Variants in ZUP1 observed in about 807,000 individuals in gnomAD.
ZUP1 encodes zinc finger-containing ubiquitin peptidase 1.
Under a neutral mutation model 68.1 loss-of-function variants are expected in ZUP1, and 55 were observed. The observed-to-expected ratio is 0.81, with a 90% confidence interval of 0.65 to 1.01. The LOEUF is 1.01. ZUP1 is among the 50% of genes least tolerant of loss of function. The pLI is 0.00. For synonymous variants in ZUP1, 223 were observed against 221.5 expected, an observed-to-expected ratio of 1.01 and a Z score of -0.06; for missense variants, 684 against 674.9, an observed-to-expected ratio of 1.01 and a Z score of -0.15.
intron 2 of ZUP1, among the ~76,000 whole-genome samples, chr6:116,663,553 T>C (rs1776907111): frequency 6.6e-6 from 1 of 152,224 alleles, no homozygotes; most frequent in African/African-American, 2.4e-5. Context: ...TACACTTGTT[T>C]TTTTTCCTTG....
At position 116,656,754 on chromosome 6, in the gene ZUP1, A is replaced by G. The variant is rs765156917; in HGVS notation, c.891T>C (p.Phe297=). 1.2e-6 allele frequency: 2 copies of G among 1,612,758 alleles called. No individual in the cohort carries two copies. The highest frequency in any genetic ancestry group is 1.7e-6 in the Non-Finnish European group (2 of 1,179,502). ...VNRGRMPPSE[F]HRRKADMMES... ...CCATCATATCAGCTTTTCTCCTATG[A>G]AATTCAGATGGAGGCATTCTTCCCC... The change falls in exon 5 of 10, where the codon TTT becomes TTC. Residue 297 remains phenylalanine (F), a synonymous_variant. Transcript: ENST00000368576.
intron 2 of ZUP1, 142 bp downstream of exon 2, chr6:116,666,492 A>T: frequency 1.7e-6 from 1 of 574,210 alleles, no homozygotes; most frequent in East Asian, 3.1e-5. Flanking sequence ...ATATTTCAGT[A>T]ACAGCAAATG....
rs1297885467 is a variant in ZUP1 at position 116,645,860 on chromosome 6, A to T, written c.1543T>A (p.Cys515Ser). The T allele has an allele frequency of 1.9e-6, 3 of 1,613,922 alleles. No individual in the cohort carries two copies. The South Asian group carries it at 3.3e-5, about 18-fold the overall frequency. ...AATTTCTGCATTTCTCGAGAAGGAC[A>T]TCCAGGATCAAGTATTAGTAAGCAT... ...TLCLLILDPGCPSREMQKLLK... is the reference protein window; with the variant it reads ...TLCLLILDPGSPSREMQKLLK... Residue 515 changes from cysteine (C) to serine (S), a missense_variant, in exon 9 of 10, where the codon TGT becomes AGT. Cys to Ser is a moderately radical substitution (Grantham distance 112). Transcript: ENST00000368576.
intron 1 of ZUP1, among the ~76,000 whole-genome samples, chr6:116,667,460 G>C (rs1463728175): frequency 6.6e-6 from 1 of 151,660 alleles, no homozygotes; most frequent in Non-Finnish European, 1.5e-5. Flanking sequence ...AAATGTCTCT[G>C]GCCCAAGGTG....
chr6:116,655,431 T>G (rs1776632566), intron 5 of ZUP1, among the ~76,000 whole-genome samples: 1 of 152,124 alleles, frequency 6.6e-6, no homozygotes, highest in South Asian at 2.1e-4. Context: ...ATATCAAACT[T>G]GGGATAATAG....
intron 4 of ZUP1, among the ~76,000 whole-genome samples, chr6:116,657,750 T>C (rs1776714560): frequency 6.6e-6 from 1 of 152,184 alleles, no homozygotes; most frequent in Non-Finnish European, 1.5e-5. Context: ...TAAACCCTTT[T>C]TATGTATGCA....
intron 2 of ZUP1, among the ~76,000 whole-genome samples, chr6:116,664,303 C>T (rs1182254038): frequency 1.4e-5 from 2 of 145,176 alleles, no homozygotes; most frequent in Admixed American, 6.7e-5. Flanking sequence ...TGGTGGTGGG[C>T]AGTGGTAATC....
chr6:116,661,201 T>C (rs1257747071), intron 2 of ZUP1, among the ~76,000 whole-genome samples: 3 of 152,106 alleles, frequency 2.0e-5, no homozygotes, highest in African/African-American at 4.8e-5. Flanking sequence ...TTATAACTTT[T>C]AGATTTTTTC....
At chr6:116,658,676 G>C (rs1051147970) in intron 4 of ZUP1, 127 bp downstream of exon 4, 5 of 787,872 alleles carry the variant, frequency 6.3e-6, no homozygotes. Flanking sequence ...TTTATAAATG[G>C]TGTCTGTTAC....
intron 3 of ZUP1, 34 bp from the exon 4 acceptor site, chr6:116,658,958 A>T: frequency 6.5e-7 from 1 of 1,545,116 alleles, no homozygotes. Flanking sequence ...GAATAAAATA[A>T]CTGTTGCAAT....
At position 116,635,851 on chromosome 6, in the gene ZUP1, G is replaced by A. The variant is rs1488793580; in HGVS notation, c.1718C>T (p.Thr573Ile). Residue 573 changes from threonine to isoleucine, a missense_variant, in exon 10 of 10, where the codon ACA (threonine) becomes ATA (isoleucine). Coordinates refer to ENST00000368576, the MANE Select transcript of ZUP1 (RefSeq NM_145062.3). Reference sequence around the variant, plus strand: ...GATTCTTCAAGGAATCTTCTCGGCTGTAAAGACTTGAGAAGCTTGTCTCCT... The same window carrying A: ...GATTCTTCAAGGAATCTTCTCGGCTATAAAGACTTGAGAAGCTTGTCTCCT... ...LARRQASQVF[T>I]AEKIP The A allele has an allele frequency of 1.9e-6, 3 of 1,598,726 alleles. No homozygotes were observed. The highest frequency in any genetic ancestry group is 2.3e-5 in the East Asian group (1 of 44,334).
chr6:116,660,742 G>C lies in ZUP1; in HGVS notation c.664C>G (p.Gln222Glu). The C allele has an allele frequency of 2.5e-6, 4 of 1,581,154 alleles. No homozygotes were observed. Among genetic ancestry groups the C allele is most frequent in the Non-Finnish European group, 3.5e-6 (4 of 1,155,040 alleles). Residue 222 changes from glutamine to glutamate, a missense_variant, in exon 3 of 10, where the codon CAG (glutamine) becomes GAG (glutamate). By Grantham distance (29) the Gln-to-Glu change is conservative. Coordinates refer to ENST00000368576, the MANE Select transcript of ZUP1 (RefSeq NM_145062.3). Reference protein sequence around the residue: ...VDLHLEENSFQQGMDRVQCSG... With the variant: ...VDLHLEENSFEQGMDRVQCSG... ...TTCAAACATATAAACATACCTTGCT[G>C]AAAGCTGTTTTCTTCCAAATGCAAG... is the stretch of plus-strand genomic sequence containing the variant.
chr6:116,652,053 C>G lies in ZUP1; in HGVS notation c.1101G>C (p.Met367Ile). Residue 367 changes from methionine (M) to isoleucine (I), a missense_variant, in exon 6 of 10, where the codon ATG becomes ATC. Met to Ile is a conservative substitution (Grantham distance 10). Transcript: ENST00000368576. ...GWGCGYRNFQMLLSSLLQNDA... is the reference protein window; with the variant it reads ...GWGCGYRNFQILLSSLLQNDA... The stretch of plus-strand genomic sequence containing the variant: ...CATTTTGTAATAATGATGAAAGTAG[C>G]ATTTGGAAATTTCTGTAACCACAAC... The G allele has an allele frequency of 6.2e-7, 1 of 1,613,936 alleles. No homozygotes were observed. The highest frequency in any genetic ancestry group is 8.5e-7 in the Non-Finnish European group (1 of 1,179,890).
At chr6:116,652,267 C>T in intron 5 of ZUP1, 75 bp from the exon 6 acceptor site, 2 of 1,133,036 alleles carry the variant, frequency 1.8e-6, no homozygotes, top group Non-Finnish European at 2.5e-6. Flanking sequence ...TAATATCAAC[C>T]TCTCCTTCAC....
chr6:116,655,600 A>G (rs1776637826), intron 5 of ZUP1, among the ~76,000 whole-genome samples: 1 of 152,228 alleles, frequency 6.6e-6, no homozygotes, highest in Admixed American at 6.5e-5. Flanking sequence ...GTTTCCATAA[A>G]AAGTCTGTTA....
intron 7 of ZUP1, among the ~76,000 whole-genome samples, chr6:116,650,502 T>G (rs1222560145): frequency 6.6e-6 from 1 of 151,238 alleles, no homozygotes; most frequent in Non-Finnish European, 1.5e-5. Context: ...GACATTATAA[T>G]TATCAAACAA....
intron 3 of ZUP1, chr6:116,660,512 T>C (rs930795298): frequency 3.8e-5 from 16 of 418,502 alleles, no homozygotes; most frequent in Middle Eastern, 1.3e-3. Flanking sequence ...TAAAATTTTA[T>C]GTGCCATATG....
At position 116,645,621 on chromosome 6, in the gene ZUP1, A is replaced by C; in HGVS notation, c.1689+93T>G. On this transcript the variant is annotated intron_variant, in intron 9 of 9. Transcript: ENST00000368576. ...AAAAAAGAAAAAGAATAGAAAAAAA[A>C]GAAAAAAGTGATAACACTGATTTTA... The C allele has an allele frequency of 3.9e-6, 4 of 1,022,434 alleles. 1 individual carries two copies. Among genetic ancestry groups the C allele is most frequent in the Non-Finnish European group, 1.4e-6 (1 of 717,258 alleles). The allele number at this position is 1,022,434 out of a possible 1,614,324, so 63.3% of individuals were successfully genotyped here. A position where few individuals can be genotyped will look rare whatever the true frequency, so the allele number is the denominator to read the frequency against.
chr6:116,662,384 T>C (rs1368550838), intron 2 of ZUP1, among the ~76,000 whole-genome samples: 3 of 151,292 alleles, frequency 2.0e-5, no homozygotes. Flanking sequence ...TATCCCAGTA[T>C]ACATTTTTTA....
Sources: allele counts gnomAD v4.1 joint callset (sites outside exome capture counted in the v4.1 genomes callset), GRCh38; gene constraint gnomAD v4.1.1; transcripts MANE v1.5; gene names NCBI Gene and HGNC (gene_info 2026-07-23, HGNC 2026-07-21).